The following BBS9 variants were observed in gnomAD, a reference collection of about 807,000 sequenced individuals.
The protein encoded by BBS9 is Bardet-Biedl syndrome 9.
A neutral mutation model predicts 117.7 loss-of-function variants in BBS9; 89 were observed. That is an observed-to-expected ratio of 0.76 (90% CI 0.64 to 0.90). The LOEUF is 0.90. Among genes scored for constraint, BBS9 ranks in the 40% least tolerant of loss-of-function variants. BBS9 has a pLI of 0.00. For missense variants in BBS9, 982 were observed against 1,042.2 expected (o/e 0.94, Z 0.80); for synonymous variants, 379 against 370.9 (o/e 1.02, Z -0.25).
chr7:33,388,130 G>A lies in BBS9; in HGVS notation c.2101G>A (p.Gly701Arg). The A allele has an allele frequency of 1.9e-6, 3 of 1,614,124 alleles. No individual in the cohort carries two copies. The highest frequency in any genetic ancestry group is 2.5e-6 in the Non-Finnish European group (3 of 1,179,990). ...TCAACACCTGGACACCTTGTTAGAT[G>A]GAACCTACAAGCAGGTCAGTATAAT... ...PLQHLDTLLD[G>R]TYKQVIALAD... is the part of the protein sequence containing the mutation. Residue 701 changes from glycine (G) to arginine (R), a missense_variant, in exon 19 of 23, where the codon GGA (glycine) becomes AGA (arginine). Coordinates refer to ENST00000242067, the MANE Select transcript of BBS9 (RefSeq NM_198428.3).
chr7:33,189,840 C>T (rs967464988), intron 5 of BBS9, among the ~76,000 whole-genome samples: 18 of 147,502 alleles, frequency 1.2e-4, no homozygotes, highest in African/African-American at 2.5e-4. Flanking sequence ...GAGCCGAGAT[C>T]GAGCCACTGC....
At chr7:33,147,530 G>T (rs907030483) in intron 2 of BBS9, among the ~76,000 whole-genome samples, 5 of 152,072 alleles carry the variant, frequency 3.3e-5, no homozygotes, top group Non-Finnish European at 7.3e-5. Flanking sequence ...AGATGGGAAG[G>T]CCTTCTATTC....
chr7:33,356,220 T>C (rs1167705739), intron 15 of BBS9, among the ~76,000 whole-genome samples: 2 of 151,832 alleles, frequency 1.3e-5, no homozygotes, highest in Non-Finnish European at 3.0e-5. Context: ...ACATACTCAG[T>C]GGGTGTATTT....
chr7:33,319,669 A>T (rs1811273010), intron 9 of BBS9, among the ~76,000 whole-genome samples: 1 of 152,114 alleles, frequency 6.6e-6, no homozygotes, highest in Non-Finnish European at 1.5e-5. Flanking sequence ...ATGACCAAGA[A>T]CCCAAAAGCA....
At chr7:33,459,861 T>C (rs887327939) in intron 19 of BBS9, among the ~76,000 whole-genome samples, 5 of 152,154 alleles carry the variant, frequency 3.3e-5, no homozygotes, top group Non-Finnish European at 7.4e-5. Context: ...ATATATTATA[T>C]AAGTGTACTT....
chr7:33,239,223 T>C lies in BBS9; in HGVS notation c.443-18013T>C, dbSNP rs1794054166. ...TAATTTATAATAATAATAAAAAATA[T>C]ATTGGGGACTTACTTGGTGCTACTA... On this transcript the variant is annotated intron_variant, in intron 5 of 22. Coordinates refer to ENST00000242067, the MANE Select transcript of BBS9 (RefSeq NM_198428.3). Among the ~76,000 whole-genome samples the C allele has an allele frequency of 3.3e-5, 5 of 152,180 alleles. No individual in the cohort carries two copies. In the South Asian group the frequency reaches 1.0e-3, roughly 32 times the overall value.
chr7:33,391,405 G>GACACACAT (rs1827050936), intron 19 of BBS9, among the ~76,000 whole-genome samples: 1 of 151,924 alleles, frequency 6.6e-6, no homozygotes, highest in Admixed American at 6.6e-5. Flanking sequence ...TTCTCTATGA[G>GACACACAT]ACACACATAC....
At chr7:33,366,553 T>C (rs1369424999) in intron 16 of BBS9, among the ~76,000 whole-genome samples, 3 of 139,412 alleles carry the variant, frequency 2.2e-5, no homozygotes, top group Admixed American at 1.4e-4. Context: ...CTTTTTTTTT[T>C]TTTTTTTTTG....
chr7:33,173,309 A>C (rs1347276005), intron 4 of BBS9, among the ~76,000 whole-genome samples: 1 of 152,130 alleles, frequency 6.6e-6, no homozygotes, highest in Non-Finnish European at 1.5e-5. Flanking sequence ...GGCCGAGTGC[A>C]GTGGCTCACG....
Position 33,510,628 on chromosome 7 carries a change from A to G in BBS9, c.2298+4983A>G, listed in dbSNP as rs370429049. 2.1e-3 allele frequency among the ~76,000 whole-genome samples: 318 copies of G among 152,268 alleles called. 7 individuals are homozygous for G. In the South Asian group the frequency reaches 0.045, roughly 22 times the overall value. On this transcript the variant is annotated intron_variant, in intron 20 of 22. Transcript: ENST00000242067. ...GTGGATTTACTTTAACATTGCAAGC[A>G]AACATTCTAGTCCTGTGCTGCCTAA... is the stretch of plus-strand genomic sequence containing the variant.
intron 17 of BBS9, among the ~76,000 whole-genome samples, chr7:33,376,039 A>T (rs1332944822): frequency 6.6e-6 from 1 of 152,168 alleles, no homozygotes; most frequent in Non-Finnish European, 1.5e-5. Context: ...ACATTAAAAA[A>T]ACTTTTAGGT....
rs182737827 is a variant in BBS9 at position 33,483,621 on chromosome 7, G to A, written c.2116-21842G>A. Among the ~76,000 whole-genome samples the A allele has an allele frequency of 3.9e-4, 56 of 144,124 alleles. 1 individual carries two copies. The highest frequency in any genetic ancestry group is 6.3e-4 in the East Asian group (3 of 4,790). The allele number at this position is 144,124 out of a possible 152,430, so 94.6% of individuals were successfully genotyped here. A position where few individuals can be genotyped will look rare whatever the true frequency, so the allele number is the denominator to read the frequency against. ...ATATTTGCTTTGGTTTAATAGATTC[G>A]AGTTTGATCTCAACAGATTTTTTTT... On this transcript the variant is annotated intron_variant, in intron 19 of 22. Coordinates refer to ENST00000242067, the MANE Select transcript of BBS9 (RefSeq NM_198428.3).
chr7:33,535,483 A>C (rs772925934), intron 21 of BBS9, among the ~76,000 whole-genome samples: 86 of 152,334 alleles, frequency 5.6e-4, no homozygotes, highest in Admixed American at 1.0e-3. Flanking sequence ...GTAGAAGCCA[A>C]CTTTATTCCA....
At chr7:33,389,741 CA>C (rs1424217506) in intron 19 of BBS9, among the ~76,000 whole-genome samples, 1 of 141,840 alleles carries the variant, frequency 7.1e-6, no homozygotes. Context: ...AAATTAGCAG[CA>C]ATTTAAAGGA....
intron 19 of BBS9, among the ~76,000 whole-genome samples, chr7:33,423,772 C>A (rs530023308): frequency 1.3e-5 from 2 of 152,176 alleles, no homozygotes; most frequent in South Asian, 4.2e-4. Context: ...TTAATTTAAA[C>A]CTCTCTAAAA....
At position 33,341,248 on chromosome 7, in the gene BBS9, TA is replaced by T. The variant is rs1003776026; in HGVS notation, c.1275+282del. Among the ~76,000 whole-genome samples the T allele has an allele frequency of 8.5e-5, 13 of 152,238 alleles. No individual in the cohort carries two copies. In the South Asian group the frequency reaches 2.3e-3, roughly 27 times the overall value. Reference sequence around the variant, plus strand: ...TTCTTGCCCTAGTTCTAATCCTACTTAAAAAAATTTTTTTTCAAACTTTCTT... The same window carrying T: ...TTCTTGCCCTAGTTCTAATCCTACTTAAAAAATTTTTTTTCAAACTTTCTT... On this transcript the variant is annotated intron_variant, in intron 11 of 22. Transcript: ENST00000242067.
intron 5 of BBS9, among the ~76,000 whole-genome samples, chr7:33,237,225 T>C (rs904682483): frequency 1.3e-5 from 2 of 152,214 alleles, no homozygotes; most frequent in Non-Finnish European, 2.9e-5. Flanking sequence ...TTTGGTTCTG[T>C]TTTATGTTGT....
chr7:33,525,037 G>GTT lies in BBS9; in HGVS notation c.2299-8915_2299-8914dup, dbSNP rs1392963740. Among the ~76,000 whole-genome samples the GTT allele has an allele frequency of 3.3e-5, 5 of 152,010 alleles. No individual in the cohort carries two copies. In the East Asian group the frequency reaches 9.6e-4, roughly 29 times the overall value. On this transcript the variant is annotated intron_variant, in intron 20 of 22. Transcript: ENST00000242067. The stretch of plus-strand genomic sequence containing the variant: ...TAGTCATTCAGGAGCAGGTTGTTCA[G>GTT]TTTCCATGTAGTTGAGCGGTTTTGA...
At chr7:33,437,541 G>A (rs189767968) in intron 19 of BBS9, among the ~76,000 whole-genome samples, 7 of 152,280 alleles carry the variant, frequency 4.6e-5, no homozygotes, top group Admixed American at 4.6e-4. Flanking sequence ...TACACAAGAA[G>A]TCATAGCTTC....
Sources: gnomAD v4.1 joint callset for allele counts (sites outside exome capture counted in the v4.1 genomes callset) on GRCh38, gnomAD v4.1.1 for gene constraint, MANE v1.5 for transcripts, NCBI Gene and HGNC (gene_info 2026-07-23, HGNC 2026-07-21) for gene names.